Variants in RABGEF1 observed in about 807,000 individuals in gnomAD.
The protein encoded by RABGEF1 is rab5 GDP/GTP exchange factor.
A neutral mutation model predicts 57.3 loss-of-function variants in RABGEF1; 26 were observed. That is an observed-to-expected ratio of 0.45 (90% CI 0.33 to 0.63). The LOEUF is 0.63. Among genes scored for constraint, RABGEF1 ranks in the 20% least tolerant of loss-of-function variants. The pLI is 0.02. For missense variants in RABGEF1, 464 were observed against 607.6 expected, an observed-to-expected ratio of 0.76 and a Z score of 2.48; for synonymous variants, 185 against 210.7, an observed-to-expected ratio of 0.88 and a Z score of 1.06.
At chr7:66,678,898 T>C (rs1435236674), upstream of RABGEF1, among the ~76,000 whole-genome samples, 1 of 152,224 alleles carries the variant, frequency 6.6e-6, no homozygotes, top group Non-Finnish European at 1.5e-5. Flanking sequence ...CACGTTTTCA[T>C]TCCTGAGTTA....
the RABGEF1 span, among the ~76,000 whole-genome samples, chr7:66,654,985 C>CG: frequency 6.6e-6 from 1 of 152,244 alleles, no homozygotes; most frequent in Non-Finnish European, 1.5e-5. Flanking sequence ...CTCACTTCCC[C>CG]GTCCAGGACG....
intron 1 of RABGEF1, among the ~76,000 whole-genome samples, chr7:66,700,238 G>A (rs916272100): frequency 6.6e-6 from 1 of 152,260 alleles, no homozygotes; most frequent in African/African-American, 2.4e-5. Flanking sequence ...CCACTGCGAT[G>A]GGGCCAGATC....
chr7:66,739,485 C>G (rs1004809606), upstream of RABGEF1, among the ~76,000 whole-genome samples: 1 of 150,440 alleles, frequency 6.6e-6, no homozygotes, highest in African/African-American at 2.4e-5. Flanking sequence ...GAAACCCTGT[C>G]TCGACTAAAA....
intron 2 of RABGEF1, among the ~76,000 whole-genome samples, chr7:66,734,590 C>T (rs578015994): frequency 2.8e-4 from 42 of 150,574 alleles, no homozygotes; most frequent in Admixed American, 7.9e-4. Flanking sequence ...GCCACCATGC[C>T]TGGCTAATTT....
intron 1 of RABGEF1, 138 bp from the exon 2 acceptor site, chr7:66,771,745 C>T: frequency 2.0e-6 from 1 of 489,306 alleles, no homozygotes; most frequent in Non-Finnish European, 3.4e-6. Context: ...TCCTCTTTCT[C>T]CCTCCCTCCT....
intron 3 of RABGEF1, among the ~76,000 whole-genome samples, chr7:66,782,666 C>T (rs1011614642): frequency 4.0e-5 from 6 of 151,732 alleles, no homozygotes; most frequent in Non-Finnish European, 8.8e-5. Context: ...GAGAGAGCAG[C>T]TACTCGGAGA....
intron 1 of RABGEF1, among the ~76,000 whole-genome samples, chr7:66,695,670 CT>C (rs1308229273): frequency 1.3e-5 from 2 of 152,122 alleles, no homozygotes; most frequent in Non-Finnish European, 2.9e-5. Flanking sequence ...AATCCCAGCA[CT>C]TTGTAGACAA....
intron 1 of RABGEF1, among the ~76,000 whole-genome samples, chr7:66,745,970 A>G (rs1194894868): frequency 6.6e-6 from 1 of 152,138 alleles, no homozygotes; most frequent in Non-Finnish European, 1.5e-5. Flanking sequence ...TATAAAAAGA[A>G]GTTTCATAGT....
At chr7:66,712,931 C>T (rs145902875) in intron 2 of RABGEF1, among the ~76,000 whole-genome samples, 33 of 152,062 alleles carry the variant, frequency 2.2e-4, no homozygotes, top group African/African-American at 7.7e-4. Context: ...CCTCCCACCT[C>T]AGCCTCCCAA....
At chr7:66,697,490 C>T (rs1792526637) in intron 1 of RABGEF1, among the ~76,000 whole-genome samples, 1 of 152,156 alleles carries the variant, frequency 6.6e-6, no homozygotes, top group Admixed American at 6.5e-5. Flanking sequence ...CCGCCAGCTC[C>T]CCTCCCTTCC....
chr7:66,737,688 A>T (rs1452443035), upstream of RABGEF1, among the ~76,000 whole-genome samples: 1 of 152,244 alleles, frequency 6.6e-6, no homozygotes, highest in Non-Finnish European at 1.5e-5. Context: ...GGAAAAACAC[A>T]TTCTCAACAA....
intron 1 of RABGEF1, among the ~76,000 whole-genome samples, chr7:66,754,513 G>A (rs1802245509): frequency 6.6e-6 from 1 of 152,010 alleles, no homozygotes; most frequent in African/African-American, 2.4e-5. Flanking sequence ...GAAGGCCACA[G>A]TGGGCAGATC....
At chr7:66,713,866 C>T (rs1416352560) in intron 2 of RABGEF1, among the ~76,000 whole-genome samples, 2 of 152,178 alleles carry the variant, frequency 1.3e-5, no homozygotes, top group Non-Finnish European at 2.9e-5. Context: ...ATAACATACA[C>T]TGCATTGATT....
chr7:66,805,073 G>T, intron 7 of RABGEF1, 67 bp from the exon 8 acceptor site: 1 of 1,494,944 alleles, frequency 6.7e-7, no homozygotes, highest in South Asian at 1.2e-5. Context: ...GATAAAACAT[G>T]ATTTTCCTAT....
At chr7:66,713,896 G>C (rs758973241) in intron 2 of RABGEF1, among the ~76,000 whole-genome samples, 6 of 152,140 alleles carry the variant, frequency 3.9e-5, no homozygotes, top group Non-Finnish European at 8.8e-5. Flanking sequence ...TATTGAACCA[G>C]CCTTGCATTG....
At chr7:66,798,468 A>T (rs575058175) in intron 6 of RABGEF1, among the ~76,000 whole-genome samples, 2 of 152,170 alleles carry the variant, frequency 1.3e-5, no homozygotes, top group East Asian at 1.9e-4. Flanking sequence ...CAGGCTGAAG[A>T]TGTGGAGCCC....
intron 2 of RABGEF1, among the ~76,000 whole-genome samples, chr7:66,733,203 C>T (rs1332068729): frequency 1.3e-5 from 2 of 152,168 alleles, no homozygotes; most frequent in East Asian, 3.9e-4. Context: ...CCTGAATAGC[C>T]TTCTCTCAAG....
intron 6 of RABGEF1, among the ~76,000 whole-genome samples, chr7:66,797,805 C>G (rs1786346827): frequency 6.6e-6 from 1 of 152,178 alleles, no homozygotes; most frequent in Non-Finnish European, 1.5e-5. Context: ...ACCATCTCCT[C>G]AAGTGGGAAG....
intron 4 of RABGEF1, among the ~76,000 whole-genome samples, chr7:66,786,543 A>G (rs1811231763): frequency 6.6e-6 from 1 of 152,142 alleles, no homozygotes; most frequent in African/African-American, 2.4e-5. Context: ...AGCTGGGACT[A>G]GTGGCACACA....
Sources: allele counts gnomAD v4.1 joint callset (sites outside exome capture counted in the v4.1 genomes callset), GRCh38; gene constraint gnomAD v4.1.1; transcripts MANE v1.5; gene names NCBI Gene and HGNC (gene_info 2026-07-23, HGNC 2026-07-21).